COL21A1: variants seen among roughly 807,000 people sequenced by gnomAD.
COL21A1 encodes collagen alpha-1(XXI) chain.
A neutral mutation model predicts 137.9 loss-of-function variants in COL21A1; 149 were observed. That is an observed-to-expected ratio of 1.08 (90% CI 0.95 to 1.24). The LOEUF is 1.24. Among genes scored for constraint, COL21A1 ranks in the 50% most tolerant of loss-of-function variants. The pLI is 0.00. For synonymous variants in COL21A1, 456 were observed against 391.5 expected, an observed-to-expected ratio of 1.16 and a Z score of -1.95; for missense variants, 1,167 against 1,158.4, an observed-to-expected ratio of 1.01 and a Z score of -0.11.
At chr6:56,271,919 G>T (rs1054562462) in intron 1 of COL21A1, among the ~76,000 whole-genome samples, 7 of 138,656 alleles carry the variant, frequency 5.0e-5, no homozygotes, top group Non-Finnish European at 1.1e-4. Context: ...AGCTTTGGGA[G>T]CCTCCACTTT....
intron 1 of COL21A1, among the ~76,000 whole-genome samples, chr6:56,240,661 A>G (rs1354728253): frequency 6.6e-6 from 1 of 152,152 alleles, no homozygotes; most frequent in Non-Finnish European, 1.5e-5. Flanking sequence ...TTTAACTAAG[A>G]AAAATATACA....
At chr6:56,170,938 T>A in intron 4 of COL21A1, 22 bp downstream of exon 4, 1 of 1,592,474 alleles carries the variant, frequency 6.3e-7, no homozygotes, top group Admixed American at 1.8e-5. Flanking sequence ...CCAAAAAAGT[T>A]GTGTCAACAT....
chr6:56,356,866 G>T (rs900396779), intron 1 of COL21A1, among the ~76,000 whole-genome samples: 6 of 143,406 alleles, frequency 4.2e-5, no homozygotes, highest in Non-Finnish European at 7.9e-5. Context: ...TGGTACAGGA[G>T]ACAATGAAAA....
At chr6:56,269,055 C>G (rs1329076548) in intron 1 of COL21A1, among the ~76,000 whole-genome samples, 1 of 152,146 alleles carries the variant, frequency 6.6e-6, no homozygotes, top group Non-Finnish European at 1.5e-5. Flanking sequence ...AATCAACTCA[C>G]ATAAAAATAA....
At chr6:56,205,925 G>A (rs1779748523) in intron 1 of COL21A1, among the ~76,000 whole-genome samples, 1 of 152,170 alleles carries the variant, frequency 6.6e-6, no homozygotes. Flanking sequence ...TTATAGACAA[G>A]CAAATGCTGA....
chr6:56,292,192 A>C (rs945621818), intron 1 of COL21A1, among the ~76,000 whole-genome samples: 6 of 152,156 alleles, frequency 3.9e-5, no homozygotes, highest in African/African-American at 1.4e-4. Flanking sequence ...TTAAAAATAA[A>C]GAGTATTTTC....
intron 1 of COL21A1, among the ~76,000 whole-genome samples, chr6:56,267,357 C>T (rs1763415352): frequency 1.3e-5 from 2 of 152,216 alleles, no homozygotes; most frequent in African/African-American, 4.8e-5. Flanking sequence ...ATGCTTTCTC[C>T]TTTTCACTGA....
At chr6:56,243,858 A>G (rs1371007466) in intron 1 of COL21A1, among the ~76,000 whole-genome samples, 5 of 152,208 alleles carry the variant, frequency 3.3e-5, no homozygotes, top group Admixed American at 2.0e-4. Flanking sequence ...ATTTAGACTC[A>G]TGGTTCATTT....
intron 1 of COL21A1, among the ~76,000 whole-genome samples, chr6:56,333,946 T>A (rs187213814): frequency 1.4e-4 from 22 of 151,928 alleles, no homozygotes; most frequent in Admixed American, 1.3e-3. Flanking sequence ...ATTTTGCCCA[T>A]TTCTGATTCT....
At chr6:56,291,605 G>A (rs1764046889) in intron 1 of COL21A1, among the ~76,000 whole-genome samples, 1 of 152,236 alleles carries the variant, frequency 6.6e-6, no homozygotes, top group African/African-American at 2.4e-5. Context: ...CAGAGCTTAG[G>A]AGGGTGGGTT....
intron 16 of COL21A1, among the ~76,000 whole-genome samples, chr6:56,112,167 C>A (rs922244595): frequency 6.6e-6 from 1 of 152,042 alleles, no homozygotes; most frequent in African/African-American, 2.4e-5. Context: ...GGCAAAAGTT[C>A]TAATGTAATT....
intron 16 of COL21A1, among the ~76,000 whole-genome samples, chr6:56,118,769 G>A (rs1488028049): frequency 5.9e-5 from 9 of 151,974 alleles, no homozygotes; most frequent in Non-Finnish European, 2.9e-5. Flanking sequence ...TAAAAGAATG[G>A]TTAAATGTAT....
rs979402176 is a variant in COL21A1 at position 56,293,969 on chromosome 6, G to C, written c.-39+100002C>G. Among the ~76,000 whole-genome samples the C allele has an allele frequency of 2.6e-5, 4 of 152,132 alleles. No homozygotes were observed. In the South Asian group the frequency reaches 6.2e-4, roughly 24 times the overall value. ...CTAGCGCCTTTTGGAATTTATCCTG[G>C]TTTATTGCAAAGTGCATATGGTGAA... On this transcript the variant is annotated intron_variant, in intron 1 of 28. Transcript: ENST00000370819.
At chr6:56,194,427 T>C (rs1215811493) in intron 1 of COL21A1, among the ~76,000 whole-genome samples, 1 of 152,184 alleles carries the variant, frequency 6.6e-6, no homozygotes, top group Non-Finnish European at 1.5e-5. Context: ...GTTAAACATA[T>C]GGAAGCCCTA....
intron 1 of COL21A1, among the ~76,000 whole-genome samples, chr6:56,391,623 A>T (rs921185179): frequency 6.6e-6 from 1 of 152,264 alleles, no homozygotes; most frequent in African/African-American, 2.4e-5. Context: ...AATACTACAG[A>T]AATTCAAGGA....
At chr6:56,328,817 G>C (rs1019207414) in intron 1 of COL21A1, among the ~76,000 whole-genome samples, 1 of 151,964 alleles carries the variant, frequency 6.6e-6, no homozygotes. Context: ...ATACTAACTG[G>C]CAAACTCTGC....
chr6:56,151,143 A>G (rs146934946), intron 10 of COL21A1, among the ~76,000 whole-genome samples: 1 of 151,810 alleles, frequency 6.6e-6, no homozygotes, highest in Admixed American at 6.6e-5. Flanking sequence ...GGAGAATGGC[A>G]TGAACCCAGG....
intron 17 of COL21A1, among the ~76,000 whole-genome samples, chr6:56,093,687 C>T (rs1173300521): frequency 6.6e-6 from 1 of 152,120 alleles, no homozygotes; most frequent in Non-Finnish European, 1.5e-5. Context: ...TTTTATCAGC[C>T]TGCTTCCTAC....
At chr6:56,113,873 T>C (rs1036780088) in intron 16 of COL21A1, among the ~76,000 whole-genome samples, 2 of 152,078 alleles carry the variant, frequency 1.3e-5, no homozygotes, top group Non-Finnish European at 2.9e-5. Flanking sequence ...GCATTCACCA[T>C]AAGCTGACTT....
Sources: gnomAD v4.1 joint callset for allele counts (sites outside exome capture counted in the v4.1 genomes callset) on GRCh38, gnomAD v4.1.1 for gene constraint, MANE v1.5 for transcripts, NCBI Gene and HGNC (gene_info 2026-07-23, HGNC 2026-07-21) for gene names.